Variants in CUX1 observed in about 807,000 individuals in gnomAD.
The protein encoded by CUX1 is cut like homeobox 1.
A neutral mutation model predicts 158.8 loss-of-function variants in CUX1; 31 were observed. The observed-to-expected ratio is 0.20, with a 90% CI of 0.15 to 0.26. CUX1 has a LOEUF of 0.26. CUX1 is among the 10% of genes least tolerant of loss of function. The pLI is 1.00. For synonymous variants in CUX1, 879 were observed against 862.1 expected, an observed-to-expected ratio of 1.02 and a Z score of -0.34; for missense variants, 1,589 against 2,014.6, an observed-to-expected ratio of 0.79 and a Z score of 4.04.
At chr7:102,222,488 A>AG (rs1321489627) in intron 20 of CUX1, among the ~76,000 whole-genome samples, 3 of 152,078 alleles carry the variant, frequency 2.0e-5, no homozygotes, top group Non-Finnish European at 4.4e-5. Context: ...TTTCCACCCC[A>AG]GGGACCATTG....
chr7:101,838,061 C>T (rs866850010), intron 1 of CUX1, among the ~76,000 whole-genome samples: 5 of 151,080 alleles, frequency 3.3e-5, no homozygotes, highest in Non-Finnish European at 7.4e-5. Context: ...TGTGTGTATA[C>T]GTGGTTTTAA....
At chr7:101,833,347 AAGACC>A (rs1247836814) in intron 1 of CUX1, among the ~76,000 whole-genome samples, 5 of 151,626 alleles carry the variant, frequency 3.3e-5, no homozygotes, top group African/African-American at 4.8e-5. Context: ...CCAGTTGTTC[AAGACC>A]AGCATGGGCA....
At chr7:102,077,400 ACT>A (rs1554477002) in intron 4 of CUX1, among the ~76,000 whole-genome samples, 2 of 151,394 alleles carry the variant, frequency 1.3e-5, no homozygotes, top group Non-Finnish European at 1.5e-5. Flanking sequence ...GTGAATAATG[ACT>A]CTGGGGATCG....
chr7:102,194,108 CA>C (rs1473672196), intron 13 of CUX1: 1 of 591,396 alleles, frequency 1.7e-6, no homozygotes, highest in African/African-American at 1.9e-5. Flanking sequence ...AGGCATAGAT[CA>C]AAAGCCAAGC....
rs1798456509 is a variant in CUX1 at position 102,227,477 on chromosome 7, A to G, written c.3241A>G (p.Ile1081Val). ...TELVQQPCPPIEASKDSKPPE... is the reference protein window; with the variant it reads ...TELVQQPCPPVEASKDSKPPE... ...GCTGGTCCAGCAGCCCTGTCCCCCC[A>G]TCGAGGCGAGCAAGGACAGCAAGCC... The change falls in exon 21 of 24, where the codon ATC (isoleucine) becomes GTC (valine). Residue 1081 changes from isoleucine to valine, a missense_variant. Ile to Val is a conservative substitution (Grantham distance 29, BLOSUM62 3). Transcript: ENST00000292535. 6.2e-7 allele frequency: 1 copy of G among 1,613,876 alleles called. No homozygotes were observed. Among genetic ancestry groups the G allele is most frequent in the African/African-American group, 1.3e-5 (1 of 74,866 alleles).
rs555252881 is a variant in CUX1, at chr7:101,865,189, C to T, written c.30+47520C>T. On this transcript the variant is annotated intron_variant, in intron 1 of 23. Transcript: ENST00000292535. ...CCCAGTCCTTCCGCTGACACCATTT[C>T]GAGGTCCCCTTGTGGAACTTCTGTG... is the stretch of plus-strand genomic sequence containing the variant. 4.1e-4 allele frequency among the ~76,000 whole-genome samples: 63 copies of T among 152,306 alleles called. 2 individuals carry two copies. The South Asian group carries it at 0.013, about 31-fold the overall frequency.
At chr7:101,969,976 T>A (rs1585127755) in intron 2 of CUX1, among the ~76,000 whole-genome samples, 1 of 105,112 alleles carries the variant, frequency 9.5e-6, no homozygotes, top group East Asian at 2.8e-4. Flanking sequence ...TTGCCGGAGT[T>A]AGCACCAAAA....
chr7:102,084,233 T>C (rs1827727650), intron 4 of CUX1, among the ~76,000 whole-genome samples: 1 of 137,428 alleles, frequency 7.3e-6, no homozygotes, highest in African/African-American at 2.5e-5. Flanking sequence ...TACAGAAATA[T>C]AATGAATTTC....
At chr7:102,192,595 A>C (rs1794396801) in intron 12 of CUX1, among the ~76,000 whole-genome samples, 1 of 152,176 alleles carries the variant, frequency 6.6e-6, no homozygotes, top group Non-Finnish European at 1.5e-5. Context: ...GGAGGCCGAC[A>C]GATCACCTGA....
At chr7:102,265,532 G>C (rs1204700734) in intron 14 of CUX1, among the ~76,000 whole-genome samples, 1 of 151,804 alleles carries the variant, frequency 6.6e-6, no homozygotes, top group Non-Finnish European at 1.5e-5. Flanking sequence ...TGACCTCCTG[G>C]GCTCAAGCAA....
At chr7:102,120,976 T>G (rs1232433716) in intron 8 of CUX1, among the ~76,000 whole-genome samples, 1 of 152,154 alleles carries the variant, frequency 6.6e-6, no homozygotes, top group Admixed American at 6.5e-5. Context: ...GTTGGAAGGT[T>G]CGCTTGAGCC....
intron 7 of CUX1, among the ~76,000 whole-genome samples, chr7:102,113,448 G>T (rs782289242): frequency 6.6e-6 from 1 of 151,730 alleles, no homozygotes; most frequent in Non-Finnish European, 1.5e-5. Flanking sequence ...TTTTTACGAG[G>T]TTTCGCCATG....
chr7:102,119,225 C>A (rs1554492690), intron 8 of CUX1, among the ~76,000 whole-genome samples: 2 of 152,178 alleles, frequency 1.3e-5, no homozygotes, highest in Admixed American at 6.5e-5. Flanking sequence ...CACCGCATCA[C>A]CACGACGGAC....
At chr7:102,197,578 G>A (rs1554518732) in intron 15 of CUX1, among the ~76,000 whole-genome samples, 1 of 152,170 alleles carries the variant, frequency 6.6e-6, no homozygotes, top group Non-Finnish European at 1.5e-5. Flanking sequence ...GTATCAGAGG[G>A]AATTGCATTA....
chr7:102,275,275 C>T, exon 17 of CUX1: 1 of 1,611,096 alleles, frequency 6.2e-7, no homozygotes, highest in Non-Finnish European at 8.5e-7. Context: ...GCGGTGCCCT[C>T]CCAGAGGGCC....
At chr7:102,227,955 T>TC (rs1231658394) in intron 21 of CUX1, among the ~76,000 whole-genome samples, 28 of 141,960 alleles carry the variant, frequency 2.0e-4, no homozygotes, top group African/African-American at 4.0e-4. Flanking sequence ...TTTTTTCTTT[T>TC]TTTTTTTTTT....
At chr7:101,942,013 ACT>A (rs1182280332) in intron 2 of CUX1, among the ~76,000 whole-genome samples, 1 of 152,168 alleles carries the variant, frequency 6.6e-6, no homozygotes, top group Non-Finnish European at 1.5e-5. Context: ...GCCAGTACAC[ACT>A]GTTTCCCAGG....
chr7:102,056,905 T>A (rs1824210354), intron 3 of CUX1, among the ~76,000 whole-genome samples: 1 of 79,814 alleles, frequency 1.3e-5, no homozygotes, highest in Non-Finnish European at 2.4e-5. Flanking sequence ...TTTTGTTTTC[T>A]GGTTTTTTTT....
At chr7:102,166,980 C>G (rs946430853) in intron 9 of CUX1, among the ~76,000 whole-genome samples, 1 of 152,100 alleles carries the variant, frequency 6.6e-6, no homozygotes, top group Admixed American at 6.6e-5. Context: ...AGAAATTATG[C>G]AATCAGGCCG....
Sources: gnomAD v4.1 joint callset for allele counts (sites outside exome capture counted in the v4.1 genomes callset) on GRCh38, gnomAD v4.1.1 for gene constraint, MANE v1.5 for transcripts, NCBI Gene and HGNC (gene_info 2026-07-23, HGNC 2026-07-21) for gene names.